Variants in THSD7A observed in about 807,000 individuals in gnomAD.
THSD7A encodes thrombospondin type 1 domain containing 7A.
A neutral mutation model predicts 231.3 loss-of-function variants in THSD7A; 96 were observed. The ratio of observed to expected loss-of-function variants is 0.41; its 90% CI spans 0.35 to 0.49. THSD7A has a LOEUF of 0.49. THSD7A is among the 20% of genes least tolerant of loss of function. The probability of loss-of-function intolerance (pLI) is 0.05; values close to 1 mark genes in which losing one functional copy is unlikely to be tolerated. For missense variants in THSD7A, 2,290 were observed against 2,070.2 expected, an observed-to-expected ratio of 1.11 and a Z score of -2.06; for synonymous variants, 940 against 743.3, an observed-to-expected ratio of 1.26 and a Z score of -4.30.
chr7:11,772,764 C>T (rs534743340), intron 1 of THSD7A, among the ~76,000 whole-genome samples: 1 of 152,144 alleles, frequency 6.6e-6, no homozygotes, highest in Non-Finnish European at 1.5e-5. Flanking sequence ...ATAGTGTACT[C>T]TGCTCACTAC....
chr7:11,708,702 T>C (rs1780850571), intron 1 of THSD7A, among the ~76,000 whole-genome samples: 1 of 150,812 alleles, frequency 6.6e-6, no homozygotes, highest in African/African-American at 2.4e-5. Context: ...ATTCAAAAGT[T>C]TTGGACCATT....
At chr7:11,564,143 T>A (rs549605391) in intron 4 of THSD7A, among the ~76,000 whole-genome samples, 27 of 152,314 alleles carry the variant, frequency 1.8e-4, no homozygotes, top group African/African-American at 5.1e-4. Context: ...TTAGATAAGG[T>A]TCTTTCCAAA....
At chr7:11,565,354 A>G (rs759390935) in intron 4 of THSD7A, among the ~76,000 whole-genome samples, 8 of 152,228 alleles carry the variant, frequency 5.3e-5, no homozygotes, top group East Asian at 1.9e-4. Flanking sequence ...AACTCCAAAT[A>G]TAATTATTTA....
chr7:11,817,508 C>T (rs1173274281), intron 1 of THSD7A, among the ~76,000 whole-genome samples: 1 of 152,130 alleles, frequency 6.6e-6, no homozygotes, highest in Non-Finnish European at 1.5e-5. Context: ...AGAGCAATGT[C>T]AGATGCAGAG....
At chr7:11,821,301 G>A in intron 1 of THSD7A, 5 of 864,012 alleles carry the variant, frequency 5.8e-6, no homozygotes, top group South Asian at 4.0e-5. Flanking sequence ...ACTCCTATTG[G>A]AAACCAACAG....
chr7:11,498,252 G>C (rs1182728229), intron 6 of THSD7A, among the ~76,000 whole-genome samples: 3 of 152,212 alleles, frequency 2.0e-5, no homozygotes, highest in South Asian at 2.1e-4. Context: ...CTCTCAGAGA[G>C]AGGGGCGGGC....
intron 1 of THSD7A, among the ~76,000 whole-genome samples, chr7:11,680,711 G>A (rs930131537): frequency 6.6e-6 from 1 of 152,128 alleles, no homozygotes; most frequent in African/African-American, 2.4e-5. Flanking sequence ...ACAGATGCTG[G>A]AGAGGATGTG....
At chr7:11,534,062 A>T (rs739757) in intron 6 of THSD7A, among the ~76,000 whole-genome samples, 40,989 of 152,086 alleles carry the variant, frequency 0.27, 5,649 homozygotes, top group Middle Eastern at 0.39. Context: ...ATTCAAGAGT[A>T]GCTACATTCA....
At chr7:11,746,968 T>C (rs2128163281) in intron 1 of THSD7A, among the ~76,000 whole-genome samples, 1 of 151,998 alleles carries the variant, frequency 6.6e-6, no homozygotes, top group South Asian at 2.1e-4. Flanking sequence ...GTGGATATCA[T>C]TCACTCACAT....
chr7:11,597,084 A>G (rs1472803788), intron 2 of THSD7A, among the ~76,000 whole-genome samples: 1 of 152,238 alleles, frequency 6.6e-6, no homozygotes, highest in African/African-American at 2.4e-5. Flanking sequence ...GATTAGATCC[A>G]GTGAGATCTA....
intron 1 of THSD7A, among the ~76,000 whole-genome samples, chr7:11,651,332 G>T (rs1006241553): frequency 2.6e-5 from 4 of 151,958 alleles, no homozygotes; most frequent in African/African-American, 4.8e-5. Flanking sequence ...TCCAGTTTCA[G>T]AAAATAAAGA....
intron 1 of THSD7A, among the ~76,000 whole-genome samples, chr7:11,644,408 G>A (rs912936888): frequency 3.9e-5 from 6 of 151,932 alleles, no homozygotes; most frequent in African/African-American, 1.4e-4. Flanking sequence ...AATTTTGAAT[G>A]TTTTTCATCT....
intron 4 of THSD7A, among the ~76,000 whole-genome samples, chr7:11,555,719 T>C (rs1431505007): frequency 6.6e-6 from 1 of 151,804 alleles, no homozygotes; most frequent in South Asian, 2.1e-4. Flanking sequence ...TCCTTTCAGT[T>C]CTATCAGTTT....
intron 13 of THSD7A, among the ~76,000 whole-genome samples, chr7:11,429,517 G>T (rs535368465): frequency 6.6e-6 from 1 of 152,278 alleles, no homozygotes; most frequent in African/African-American, 2.4e-5. Flanking sequence ...CAAGTTCAGG[G>T]TTCTGAGTCC....
chr7:11,448,851 C>A (rs1399149731), intron 11 of THSD7A, among the ~76,000 whole-genome samples: 1 of 152,020 alleles, frequency 6.6e-6, no homozygotes, highest in Non-Finnish European at 1.5e-5. Context: ...GTACACATGA[C>A]TTGACTTTGG....
chr7:11,452,258 T>C (rs920681339), intron 11 of THSD7A, among the ~76,000 whole-genome samples: 1 of 151,938 alleles, frequency 6.6e-6, no homozygotes, highest in African/African-American at 2.4e-5. Context: ...AAAAGCTTAA[T>C]GTGAGTGTGA....
chr7:11,462,517 T>C (rs1056145769), intron 9 of THSD7A, among the ~76,000 whole-genome samples: 1 of 152,206 alleles, frequency 6.6e-6, no homozygotes, highest in African/African-American at 2.4e-5. Context: ...CCTAGCCCTG[T>C]TTATCACATG....
chr7:11,830,266 C>T (rs1785155071), intron 1 of THSD7A, among the ~76,000 whole-genome samples: 1 of 152,170 alleles, frequency 6.6e-6, no homozygotes, highest in Admixed American at 6.5e-5. Context: ...TATTGCTTGG[C>T]TCTTGTTACT....
chr7:11,524,529 C>T lies in THSD7A; in HGVS notation c.1822+16890G>A, dbSNP rs117101661. The stretch of plus-strand genomic sequence containing the variant: ...GATGAATAATATTTTTTGGATGGTT[C>T]GACTTTAAAAGACCGATGAACATTT... On this transcript the variant is annotated intron_variant, in intron 6 of 27. Transcript: ENST00000423059. Among the ~76,000 whole-genome samples, 109 of 152,158 alleles carry T rather than the reference C, an allele frequency of 7.2e-4. 1 individual carries two copies. In the East Asian group the frequency reaches 0.019, roughly 26 times the overall value.
Sources: gnomAD v4.1 joint callset for allele counts (sites outside exome capture counted in the v4.1 genomes callset) on GRCh38, gnomAD v4.1.1 for gene constraint, MANE v1.5 for transcripts, NCBI Gene and HGNC (gene_info 2026-07-23, HGNC 2026-07-21) for gene names.